Variants in CACNA1S observed in about 807,000 individuals in gnomAD.
CACNA1S encodes the protein voltage-dependent L-type calcium channel subunit alpha-1S.
In CACNA1S, 126 loss-of-function variants were observed where a neutral mutation model predicts 207.4. The ratio of observed to expected loss-of-function variants is 0.61; its 90% CI spans 0.53 to 0.70. CACNA1S has a LOEUF of 0.70. Among genes scored for constraint, CACNA1S ranks in the 30% least tolerant of loss-of-function variants. The pLI is 0.00. For missense variants in CACNA1S, 2,349 were observed against 2,422.8 expected (o/e 0.97, Z 0.64); for synonymous variants, 960 against 932.7 (o/e 1.03, Z -0.53).
chr1:201,046,537 A>C (rs1489708374), intron 38 of CACNA1S, among the ~76,000 whole-genome samples: 5 of 149,696 alleles, frequency 3.3e-5, no homozygotes, highest in African/African-American at 1.2e-4. Context: ...TTTAGAGAGA[A>C]CTGTTCTTTT....
At chr1:201,096,568 G>A (rs1308982240) in intron 2 of CACNA1S, among the ~76,000 whole-genome samples, 6 of 152,200 alleles carry the variant, frequency 3.9e-5, no homozygotes, top group African/African-American at 1.4e-4. Context: ...ACACCCCCAA[G>A]CATCCATCGT....
chr1:201,057,910 C>T (rs944869898), intron 28 of CACNA1S, among the ~76,000 whole-genome samples: 1 of 152,246 alleles, frequency 6.6e-6, no homozygotes, highest in East Asian at 1.9e-4. Context: ...GAAGCCCACT[C>T]TCACCGCTTA....
rs114250094 is a variant in CACNA1S at position 201,081,165 on chromosome 1, C to T, written c.1393+1997G>A. The stretch of plus-strand genomic sequence containing the variant: ...GTGCCAGTTCCCACCTCATGCAGGT[C>T]CAGGGCCCTGTCTCCAGCCCTGCAC... On this transcript the variant is annotated intron_variant, in intron 10 of 43. Transcript: ENST00000362061. 6.7e-3 allele frequency among the ~76,000 whole-genome samples: 1,018 copies of T among 152,276 alleles called. 11 individuals carry two copies. The highest frequency in any genetic ancestry group is 0.023 in the African/African-American group (960 of 41,560).
intron 1 of CACNA1S, among the ~76,000 whole-genome samples, chr1:201,110,587 CAG>C (rs1480646668): frequency 6.6e-6 from 1 of 152,338 alleles, no homozygotes; most frequent in African/African-American, 2.4e-5. Context: ...GCTCCACTCT[CAG>C]CGCCTGTCCA....
At chr1:201,108,303 A>G (rs995301963) in intron 2 of CACNA1S, among the ~76,000 whole-genome samples, 5 of 151,996 alleles carry the variant, frequency 3.3e-5, no homozygotes, top group African/African-American at 1.2e-4. Context: ...GAGTCTCTCT[A>G]TGTTGCCCAG....
intron 14 of CACNA1S, 54 bp downstream of exon 14, chr1:201,074,452 G>T: frequency 9.0e-7 from 1 of 1,107,598 alleles, no homozygotes; most frequent in Admixed American, 1.8e-5. Flanking sequence ...AGAGCTGGAA[G>T]GCCATGGCCA....
At chr1:201,093,818 T>G in intron 3 of CACNA1S, 64 bp downstream of exon 3, 1 of 1,588,592 alleles carries the variant, frequency 6.3e-7, no homozygotes, top group Non-Finnish European at 8.6e-7. Context: ...CTGGTGGTGG[T>G]GGCAGTGGGC....
At chr1:201,082,821 A>G (rs937077140) in intron 10 of CACNA1S, among the ~76,000 whole-genome samples, 1 of 152,198 alleles carries the variant, frequency 6.6e-6, no homozygotes, top group African/African-American at 2.4e-5. Flanking sequence ...GTTCCAAATT[A>G]CTAGCAATTT....
In CACNA1S at chr1:201,066,745, G is replaced by A; in HGVS notation, c.2657+142C>T. 1.4e-6 allele frequency: 1 copy of A among 695,332 alleles called. No individual in the cohort carries two copies. Among genetic ancestry groups the A allele is most frequent in the South Asian group, 1.6e-5 (1 of 64,486 alleles). 43.1% of individuals were successfully genotyped at this position (695,332 alleles called of 1,614,324 possible). On this transcript the variant is annotated intron_variant, in intron 20 of 43. Coordinates refer to ENST00000362061, the MANE Select transcript of CACNA1S (RefSeq NM_000069.3). The surrounding 1 kb of genome is among the most constrained non-coding windows in gnomAD (Gnocchi z 4.3). ...CATTCCAGCTGGTGACAACCCACAGGACCCCCTGCCTCCATCGGAGGCCCC... is the reference window on the plus strand; with the variant it reads ...CATTCCAGCTGGTGACAACCCACAGAACCCCCTGCCTCCATCGGAGGCCCC...
In CACNA1S at chr1:201,051,046, T is replaced by C. The variant is rs1251857483; in HGVS notation, c.4051A>G (p.Thr1351Ala). 3.7e-6 allele frequency: 6 copies of C among 1,614,058 alleles called. No individual in the cohort carries two copies. In the African/African-American group the frequency reaches 8.0e-5, roughly 22 times the overall value. Residue 1351 changes from threonine to alanine, a missense_variant, in exon 33 of 44, where the codon ACA becomes GCA. Thr to Ala is a moderately conservative substitution (Grantham distance 58). Transcript: ENST00000362061. The part of the protein sequence containing the change: ...ESDYAPGEEY[T>A]CGTNFAYYYF... ...TAGTATGCAAAGTTGGTGCCACATGTGTACTCCTCCCCTGGGGCATAGTCC... is the reference window on the plus strand; with the variant it reads ...TAGTATGCAAAGTTGGTGCCACATGCGTACTCCTCCCCTGGGGCATAGTCC...
intron 32 of CACNA1S, among the ~76,000 whole-genome samples, chr1:201,052,176 C>T (rs889110676): frequency 1.3e-5 from 2 of 152,212 alleles, no homozygotes; most frequent in Non-Finnish European, 2.9e-5. Flanking sequence ...CGCCCCCCAC[C>T]CCATCTGGAG....
Position 201,082,470 on chromosome 1 carries a change from T to C in CACNA1S, c.1393+692A>G, listed in dbSNP as rs565145376. Among the ~76,000 whole-genome samples, 34 of 152,332 alleles carry C rather than the reference T, an allele frequency of 2.2e-4. No individual in the cohort carries two copies. In the South Asian group the frequency reaches 7.0e-3, roughly 32 times the overall value. On this transcript the variant is annotated intron_variant, in intron 10 of 43. Coordinates refer to ENST00000362061, the MANE Select transcript of CACNA1S (RefSeq NM_000069.3). Reference sequence around the variant, plus strand: ...AAACTGTTTAACGTCTTCATATCTTTGCACACACTGTTCCTTCTCCAGGAT... The same window carrying C: ...AAACTGTTTAACGTCTTCATATCTTCGCACACACTGTTCCTTCTCCAGGAT...
rs1391410351 is a variant in CACNA1S, at chr1:201,075,541, G to A, written c.1902C>T (p.Gly634=). The change falls in exon 13 of 44, where the codon GGC becomes GGT. Residue 634 remains glycine (G), a synonymous_variant. Coordinates refer to ENST00000362061, the MANE Select transcript of CACNA1S (RefSeq NM_000069.3). ...IMAYGGPSYP[G]MLVCIYFIIL... Reference sequence around the variant, plus strand: ...TGATGAAGTAAATGCACACAAGCATGCCAGGGTAGGACGGCCCGCCGTAGG... The same window carrying A: ...TGATGAAGTAAATGCACACAAGCATACCAGGGTAGGACGGCCCGCCGTAGG... The A allele has an allele frequency of 6.2e-7, 1 of 1,613,452 alleles. No homozygotes were observed. Among genetic ancestry groups the A allele is most frequent in the African/African-American group, 1.3e-5 (1 of 74,696 alleles).
rs113973867 is a variant in CACNA1S at position 201,104,301 on chromosome 1, C to A, written c.258+5863G>T. 6.0e-4 allele frequency among the ~76,000 whole-genome samples: 92 copies of A among 152,298 alleles called. 1 individual carries two copies. The highest frequency in any genetic ancestry group is 2.2e-3 in the African/African-American group (90 of 41,578). On this transcript the variant is annotated intron_variant, in intron 2 of 43. Coordinates refer to ENST00000362061, the MANE Select transcript of CACNA1S (RefSeq NM_000069.3). ...AGGACACATCTCCGCCCCTGCCCCT[C>A]CCCCTCACAATTCCAGTTGTTGCCA...
At chr1:201,096,608 G>A (rs1017580426) in intron 2 of CACNA1S, among the ~76,000 whole-genome samples, 2 of 152,216 alleles carry the variant, frequency 1.3e-5, no homozygotes, top group South Asian at 4.1e-4. Flanking sequence ...GATGTATGGT[G>A]TGACGGTTTT....
intron 29 of CACNA1S, among the ~76,000 whole-genome samples, chr1:201,054,069 C>T (rs1336075050): frequency 6.6e-6 from 1 of 152,232 alleles, no homozygotes. Flanking sequence ...CCACCCTGCA[C>T]ACGGCTGTTC....
At chr1:201,073,728 C>T (rs969622121) in intron 14 of CACNA1S, 86 bp from the exon 15 acceptor site, 4 of 1,045,386 alleles carry the variant, frequency 3.8e-6, no homozygotes, top group Non-Finnish European at 4.5e-6. Context: ...GAGGATCCCA[C>T]ACCAAGGGCT....
At chr1:201,091,589 C>A (rs761293079) in intron 5 of CACNA1S, 51 bp downstream of exon 5, 5 of 1,603,930 alleles carry the variant, frequency 3.1e-6, no homozygotes, top group East Asian at 2.2e-5. Flanking sequence ...GCTCCCCCTT[C>A]TGAGCCATCC....
rs1304704158 is a variant in CACNA1S, at chr1:201,048,612, C to A, written c.4411G>T (p.Val1471Phe). Residue 1471 changes from valine to phenylalanine, a missense_variant, in exon 36 of 44, where the codon GTC (valine) becomes TTC (phenylalanine). Transcript: ENST00000362061. Reference sequence around the variant, plus strand: ...GTCTTGATCTTGAGTGCCGTGCGGACCAGGGCAAAGAGTGTGGCATTGAAG... The same window carrying A: ...GTCTTGATCTTGAGTGCCGTGCGGAACAGGGCAAAGAGTGTGGCATTGAAG... Reference protein sequence around the residue: ...VTFNATLFALVRTALKIKTEG... With the variant: ...VTFNATLFALFRTALKIKTEG... 2 of 1,613,814 alleles carry A rather than the reference C, an allele frequency of 1.2e-6. No homozygotes were observed. Among genetic ancestry groups the A allele is most frequent in the Non-Finnish European group, 1.7e-6 (2 of 1,179,970 alleles).
Sources: gnomAD v4.1 joint callset for allele counts (sites outside exome capture counted in the v4.1 genomes callset) on GRCh38, gnomAD v4.1.1 for gene constraint, Gnocchi (gnomAD v3.1) non-coding constraint, MANE v1.5 for transcripts, NCBI Gene and HGNC (gene_info 2026-07-23, HGNC 2026-07-21) for gene names.